The following SEMA6D variants were observed in gnomAD, a reference collection of about 807,000 sequenced individuals.
SEMA6D encodes the protein semaphorin-6D.
A neutral mutation model predicts 106.6 loss-of-function variants in SEMA6D; 35 were observed. That is an observed-to-expected ratio of 0.33 (90% CI 0.25 to 0.44). The LOEUF is 0.44. SEMA6D is among the 20% of genes least tolerant of loss of function. SEMA6D has a pLI of 1.00. For missense variants in SEMA6D, 1,185 were observed against 1,345.9 expected (o/e 0.88, Z 1.87); for synonymous variants, 499 against 487.7 (o/e 1.02, Z -0.31).
intron 3 of SEMA6D, among the ~76,000 whole-genome samples, chr15:47,487,887 C>T (rs866399530): frequency 2.8e-4 from 43 of 152,012 alleles, no homozygotes; most frequent in Middle Eastern, 6.8e-3. Flanking sequence ...ATTTATTTTT[C>T]TTTTATATAT....
intron 1 of SEMA6D, among the ~76,000 whole-genome samples, chr15:47,393,063 A>G (rs548911747): frequency 1.3e-5 from 2 of 152,336 alleles, no homozygotes; most frequent in Admixed American, 6.5e-5. Context: ...AGAATTGTCA[A>G]TGGCAGAAAT....
chr15:47,405,504 C>T (rs919806074), intron 1 of SEMA6D, among the ~76,000 whole-genome samples: 1 of 152,114 alleles, frequency 6.6e-6, no homozygotes, highest in Non-Finnish European at 1.5e-5. Flanking sequence ...GGAGCTTCAC[C>T]TAACTTACTA....
At chr15:47,461,834 G>A (rs760697861) in intron 2 of SEMA6D, among the ~76,000 whole-genome samples, 16 of 151,972 alleles carry the variant, frequency 1.1e-4, no homozygotes, top group Admixed American at 2.0e-4. Flanking sequence ...TAAAATGTGT[G>A]AAGAATGTAT....
At chr15:47,754,127 C>A (rs759690774) in intron 1 of SEMA6D, among the ~76,000 whole-genome samples, 107 of 152,300 alleles carry the variant, frequency 7.0e-4, no homozygotes, top group Non-Finnish European at 9.8e-4. Flanking sequence ...TATGATGGCT[C>A]ATGGCTGTAA....
chr15:47,451,726 C>T (rs935690750), intron 2 of SEMA6D, among the ~76,000 whole-genome samples: 5 of 151,954 alleles, frequency 3.3e-5, no homozygotes, highest in Non-Finnish European at 5.9e-5. Context: ...GTTTCCTTTA[C>T]CCTCTTTGCA....
chr15:47,676,861 C>T (rs1014124361), intron 4 of SEMA6D, among the ~76,000 whole-genome samples: 2 of 151,770 alleles, frequency 1.3e-5, no homozygotes, highest in Admixed American at 1.3e-4. Flanking sequence ...GGGCTTCAGT[C>T]TACGAAAGCA....
At chr15:47,763,777 TA>T (rs1247090205) in intron 9 of SEMA6D, 72 bp from the exon 10 acceptor site, 9 of 1,335,016 alleles carry the variant, frequency 6.7e-6, no homozygotes, top group Middle Eastern at 2.6e-4. Flanking sequence ...GTCCCTCCCT[TA>T]AACAGTATCA....
intron 3 of SEMA6D, among the ~76,000 whole-genome samples, chr15:47,545,340 C>T (rs1362043146): frequency 6.6e-6 from 1 of 152,136 alleles, no homozygotes; most frequent in Non-Finnish European, 1.5e-5. Flanking sequence ...TCAATTTCCA[C>T]TGTAACTACC....
At chr15:47,407,955 C>T (rs745603029) in intron 1 of SEMA6D, among the ~76,000 whole-genome samples, 26 of 152,196 alleles carry the variant, frequency 1.7e-4, no homozygotes, top group Non-Finnish European at 3.2e-4. Context: ...TGGGAATCTC[C>T]ATGTGAAAGG....
At chr15:47,214,176 A>G (rs1481809427) in intron 1 of SEMA6D, among the ~76,000 whole-genome samples, 1 of 152,206 alleles carries the variant, frequency 6.6e-6, no homozygotes, top group Non-Finnish European at 1.5e-5. Flanking sequence ...CACTGCCTGA[A>G]TCTTGTTTAA....
chr15:47,270,672 T>A (rs1489172438), intron 1 of SEMA6D, among the ~76,000 whole-genome samples: 1 of 152,204 alleles, frequency 6.6e-6, no homozygotes, highest in Non-Finnish European at 1.5e-5. Context: ...AATTCATCTA[T>A]GAATGGATCA....
chr15:47,568,691 G>A (rs1246706259), intron 3 of SEMA6D, among the ~76,000 whole-genome samples: 1 of 151,892 alleles, frequency 6.6e-6, no homozygotes, highest in African/African-American at 2.4e-5. Context: ...TTCGTATTTT[G>A]TTTTATTTTC....
chr15:47,303,073 TCTTA>T (rs1302343369), intron 1 of SEMA6D, among the ~76,000 whole-genome samples: 1 of 152,196 alleles, frequency 6.6e-6, no homozygotes, highest in Non-Finnish European at 1.5e-5. Context: ...ATTTAATTTG[TCTTA>T]CTTCTCCAGA....
intron 1 of SEMA6D, among the ~76,000 whole-genome samples, chr15:47,271,891 T>A (rs1036179991): frequency 6.6e-6 from 1 of 152,220 alleles, no homozygotes; most frequent in Non-Finnish European, 1.5e-5. Flanking sequence ...TTTGGTAAAG[T>A]TCACATTCTT....
chr15:47,505,344 G>A (rs1195272259), intron 3 of SEMA6D, among the ~76,000 whole-genome samples: 2 of 152,144 alleles, frequency 1.3e-5, no homozygotes, highest in Non-Finnish European at 2.9e-5. Flanking sequence ...ACCACATACA[G>A]GGATGTTTGG....
intron 1 of SEMA6D, among the ~76,000 whole-genome samples, chr15:47,378,035 G>A (rs375291733): frequency 1.3e-5 from 2 of 152,148 alleles, no homozygotes; most frequent in African/African-American, 2.4e-5. Context: ...TACTTGAACC[G>A]TGAAAGTAGT....
In SEMA6D at chr15:47,679,421, A is replaced by G. The variant is rs900072670; in HGVS notation, c.-55+78525A>G. On this transcript the variant is annotated intron_variant, in intron 4 of 19. Coordinates refer to the SEMA6D transcript ENST00000558014. ...ATTTTCTGGCTGAGAAATAAAAAAA[A>G]GTACTTCTTTGGCCTTGGTTCTTTT... is the stretch of plus-strand genomic sequence containing the variant. Among the ~76,000 whole-genome samples, 6 of 152,206 alleles carry G rather than the reference A, an allele frequency of 3.9e-5. No individual in the cohort carries two copies. In the East Asian group the frequency reaches 1.2e-3, roughly 29 times the overall value.
chr15:47,306,654 G>A (rs1815293063), intron 1 of SEMA6D, among the ~76,000 whole-genome samples: 1 of 152,202 alleles, frequency 6.6e-6, no homozygotes, highest in Non-Finnish European at 1.5e-5. Context: ...AGTGGAGTTT[G>A]CAGTGAGCCA....
chr15:47,467,689 A>G (rs1261484471), intron 2 of SEMA6D, among the ~76,000 whole-genome samples: 1 of 152,130 alleles, frequency 6.6e-6, no homozygotes, highest in African/African-American at 2.4e-5. Context: ...GCATTTTGCT[A>G]GGGATTAACT....
Sources: allele counts gnomAD v4.1 joint callset (sites outside exome capture counted in the v4.1 genomes callset), GRCh38; gene constraint gnomAD v4.1.1; transcripts MANE v1.5; gene names NCBI Gene and HGNC (gene_info 2026-07-23, HGNC 2026-07-21).